The following SYN2 variants were observed in gnomAD, a reference collection of about 807,000 sequenced individuals.
The protein encoded by SYN2 is synapsin-2.
In SYN2, 19 loss-of-function variants were observed where a neutral mutation model predicts 50.9. The observed-to-expected ratio is 0.37, with a 90% CI of 0.26 to 0.55. The LOEUF (loss-of-function observed/expected upper bound fraction) is 0.55. Among genes scored for constraint, SYN2 ranks in the 20% least tolerant of loss-of-function variants. SYN2 has a pLI of 0.81. For synonymous variants in SYN2, 255 were observed against 224.9 expected (o/e 1.13, Z -1.20); for missense variants, 587 against 576.4 (o/e 1.02, Z -0.19).
At chr3:12,093,800 A>G (rs764418637) in intron 1 of SYN2, among the ~76,000 whole-genome samples, 5 of 151,180 alleles carry the variant, frequency 3.3e-5, no homozygotes, top group Non-Finnish European at 7.4e-5. Flanking sequence ...GTACATCTCT[A>G]TCCCCTGACT....
intron 1 of SYN2, among the ~76,000 whole-genome samples, chr3:12,040,453 G>A (rs1349815335): frequency 1.7e-5 from 2 of 116,198 alleles, no homozygotes; most frequent in East Asian, 2.6e-4. Context: ...TTTTTTTTGA[G>A]ACGGAGTTTC....
chr3:12,092,712 C>A (rs1168932849), intron 1 of SYN2, among the ~76,000 whole-genome samples: 1 of 152,152 alleles, frequency 6.6e-6, no homozygotes, highest in African/African-American at 2.4e-5. Context: ...TATGTCATTG[C>A]ATTGTTTCAG....
chr3:12,038,809 A>C (rs1384456802), intron 1 of SYN2, among the ~76,000 whole-genome samples: 1 of 152,072 alleles, frequency 6.6e-6, no homozygotes, highest in Non-Finnish European at 1.5e-5. Context: ...GTGTGTGTTC[A>C]TGTTTGTGTG....
chr3:12,011,903 TA>T lies in SYN2; in HGVS notation c.377+6979del, dbSNP rs371371768. 3.6e-3 allele frequency among the ~76,000 whole-genome samples: 541 copies of T among 152,346 alleles called. 1 individual carries two copies. The highest frequency in any genetic ancestry group is 6.2e-3 in the Non-Finnish European group (422 of 68,032). The stretch of plus-strand genomic sequence containing the variant: ...GATAATTAAATAAAATAAGGTACCA[TA>T]AAAGCATTTTGTAAAAGCTAAAGAG... On this transcript the variant is annotated intron_variant, in intron 1 of 12. Coordinates refer to ENST00000621198, the MANE Select transcript of SYN2 (RefSeq NM_133625.6).
At chr3:12,158,977 C>A in intron 5 of SYN2, 1 of 1,304,336 alleles carries the variant, frequency 7.7e-7, no homozygotes, top group Non-Finnish European at 1.0e-6. Context: ...CCCCGACGGG[C>A]TCCGCCTTCC....
At chr3:12,145,641 G>T (rs765209954) in intron 3 of SYN2, 38 bp from the exon 4 acceptor site, 1 of 1,607,294 alleles carries the variant, frequency 6.2e-7, no homozygotes, top group South Asian at 1.1e-5. Context: ...GGCCTGAAGT[G>T]CTGGTTAATG....
At chr3:12,115,438 AC>A (rs1696411589) in intron 1 of SYN2, among the ~76,000 whole-genome samples, 1 of 152,182 alleles carries the variant, frequency 6.6e-6, no homozygotes, top group Admixed American at 6.6e-5. Flanking sequence ...AACAGTTTCA[AC>A]CCTCGTATCT....
At chr3:12,133,704 A>C (rs1696836525) in intron 1 of SYN2, among the ~76,000 whole-genome samples, 1 of 152,224 alleles carries the variant, frequency 6.6e-6, no homozygotes, top group African/African-American at 2.4e-5. Context: ...TCTTCTCCAC[A>C]TTCCAGAGAA....
intron 1 of SYN2, among the ~76,000 whole-genome samples, chr3:12,078,285 G>A (rs1695513973): frequency 6.6e-6 from 1 of 152,092 alleles, no homozygotes. Flanking sequence ...AGTGATTATA[G>A]TTTTTTGCTG....
At chr3:12,110,604 C>T (rs1302180808) in intron 1 of SYN2, among the ~76,000 whole-genome samples, 1 of 152,216 alleles carries the variant, frequency 6.6e-6, no homozygotes, top group Non-Finnish European at 1.5e-5. Flanking sequence ...TTCTATACAT[C>T]CTCCGAAATC....
Position 12,176,536 on chromosome 3 carries a change from G to A in SYN2, c.1308+6630G>A, listed in dbSNP as rs539657842. On this transcript the variant is annotated intron_variant, in intron 10 of 12. Transcript: ENST00000621198. ...TGATTCTAAGACTTATTCTTTGGAA[G>A]CATTCATATACATTTGGTGTCCAGA... Among the ~76,000 whole-genome samples the A allele has an allele frequency of 2.1e-3, 313 of 152,286 alleles. 1 individual carries two copies. Among genetic ancestry groups the A allele is most frequent in the African/African-American group, 6.5e-3 (268 of 41,550 alleles).
At chr3:12,104,565 C>CTTTTTTTTTTTTTTTTTTTTTTT (rs1696140644) in intron 1 of SYN2, among the ~76,000 whole-genome samples, 1 of 68,582 alleles carries the variant, frequency 1.5e-5, no homozygotes, top group African/African-American at 5.9e-5. Context: ...TTTTTCTTTT[C>CTTTTTTTTTTTTTTTTTTTTTTT]TTTTCTTTTT....
At chr3:12,104,670 T>C (rs940587550) in intron 1 of SYN2, among the ~76,000 whole-genome samples, 1 of 134,994 alleles carries the variant, frequency 7.4e-6, no homozygotes, top group African/African-American at 2.8e-5. Context: ...CACCTCAGCC[T>C]GAGTGATTCT....
chr3:12,125,951 GA>G (rs1489728282), intron 1 of SYN2, among the ~76,000 whole-genome samples: 4 of 152,022 alleles, frequency 2.6e-5, no homozygotes, highest in Admixed American at 2.6e-4. Context: ...TATGAGGTAG[GA>G]TATGATGATG....
At chr3:12,123,852 T>C (rs1325133664) in intron 1 of SYN2, among the ~76,000 whole-genome samples, 3 of 151,878 alleles carry the variant, frequency 2.0e-5, no homozygotes, top group East Asian at 3.9e-4. Context: ...CTACAAAAAA[T>C]ACAAAAAAAT....
In SYN2 at chr3:12,169,924, G is replaced by C; in HGVS notation, c.1308+18G>C. The C allele has an allele frequency of 6.3e-7, 1 of 1,592,316 alleles. No homozygotes were observed. The highest frequency in any genetic ancestry group is 8.6e-7 in the Non-Finnish European group (1 of 1,169,510). ...AGCCACAGGTAAGCAGCTAGGAAGA[G>C]ACATAGCAGAGCCAAGAACCATTCC... On this transcript the variant is annotated intron_variant, in intron 10 of 12. Coordinates refer to ENST00000621198, the MANE Select transcript of SYN2 (RefSeq NM_133625.6).
intron 1 of SYN2, among the ~76,000 whole-genome samples, chr3:12,057,024 C>T (rs1024311598): frequency 6.6e-6 from 1 of 152,176 alleles, no homozygotes; most frequent in Non-Finnish European, 1.5e-5. Flanking sequence ...GGTGTGGTGG[C>T]TCACGCCTGT....
At chr3:12,071,212 A>T in intron 1 of SYN2, 2 of 552,076 alleles carry the variant, frequency 3.6e-6, no homozygotes, top group Non-Finnish European at 7.3e-6. Flanking sequence ...CAGCACCATG[A>T]AGATCAAGAT....
At chr3:12,150,271 A>G (rs1189730284) in intron 4 of SYN2, among the ~76,000 whole-genome samples, 1 of 152,218 alleles carries the variant, frequency 6.6e-6, no homozygotes, top group Non-Finnish European at 1.5e-5. Flanking sequence ...CTGCTGATGC[A>G]CTGGGGATGG....
Sources: gnomAD v4.1 joint callset for allele counts (sites outside exome capture counted in the v4.1 genomes callset) on GRCh38, gnomAD v4.1.1 for gene constraint, MANE v1.5 for transcripts, NCBI Gene and HGNC (gene_info 2026-07-23, HGNC 2026-07-21) for gene names.